The following EXTL3 variants were observed in gnomAD, a reference collection of about 807,000 sequenced individuals.
The protein encoded by EXTL3 is exostosin like glycosyltransferase 3.
In EXTL3, 27 loss-of-function variants were observed where a neutral mutation model predicts 69.3. That is an observed-to-expected ratio of 0.39 (90% CI 0.29 to 0.54). The LOEUF is 0.54. EXTL3 is among the 20% of genes least tolerant of loss of function. The pLI is 0.69. For missense variants in EXTL3, 1,003 were observed against 1,231.8 expected (o/e 0.81, Z 2.78); for synonymous variants, 511 against 499.4 (o/e 1.02, Z -0.31).
At chr8:28,727,273 C>T (rs182095069) in intron 3 of EXTL3, among the ~76,000 whole-genome samples, 10 of 152,242 alleles carry the variant, frequency 6.6e-5, no homozygotes, top group Admixed American at 2.6e-4. Flanking sequence ...CAGTTGTGCT[C>T]AGAGGGTGAG....
Position 28,750,992 on chromosome 8 carries a change from A to C in EXTL3, c.*126A>C. 1.3e-6 allele frequency: 1 copy of C among 787,168 alleles called. No individual in the cohort carries two copies. Among genetic ancestry groups the C allele is most frequent in the Non-Finnish European group, 2.1e-6 (1 of 479,040 alleles). The allele number at this position is 787,168 out of a possible 1,614,324, so 48.8% of individuals were successfully genotyped here. On this transcript the variant is annotated 3_prime_UTR_variant, in exon 7 of 7. Coordinates refer to ENST00000220562, the MANE Select transcript of EXTL3 (RefSeq NM_001440.4). This position sits in a 1 kb window ranked among gnomAD's most constrained non-coding sequence, Gnocchi z 5.2. ...GCCCAGAGCCTCTGCTGGAAGGGGC[A>C]GCAGGAGGAGTGGAAGGAAACCGCT...
Position 28,701,564 on chromosome 8 carries a change from G to T in EXTL3, c.-665G>T, listed in dbSNP as rs919566033. 5 of 154,518 alleles carry T rather than the reference G, an allele frequency of 3.2e-5. No homozygotes were observed. Among genetic ancestry groups the T allele is most frequent in the African/African-American group, 1.2e-4 (5 of 41,480 alleles). 9.6% of individuals were successfully genotyped at this position (154,518 alleles called of 1,614,324 possible). A position where few individuals can be genotyped will look rare whatever the true frequency, so the allele number is the denominator to read the frequency against. ...GGGAGCGGCGGATCAGGCGCGGCCT[G>T]GAAGGCGGGCGGCCGGCAGCCAGAA... is the stretch of plus-strand genomic sequence containing the variant. On this transcript the variant is annotated 5_prime_UTR_variant, in exon 1 of 7. Transcript: ENST00000220562.
chr8:28,730,816 A>T lies in EXTL3; in HGVS notation c.2149-407A>T, dbSNP rs147516696. On this transcript the variant is annotated intron_variant, in intron 3 of 6. Coordinates refer to ENST00000220562, the MANE Select transcript of EXTL3 (RefSeq NM_001440.4). The stretch of plus-strand genomic sequence containing the variant: ...TAGAATTGGGAGTCAGAAGTGACAG[A>T]CTCATGAGGTTTCTGAGTTGGGTTT... 2.9e-4 allele frequency among the ~76,000 whole-genome samples: 44 copies of T among 152,250 alleles called. 1 individual carries two copies. In the East Asian group the frequency reaches 7.9e-3, roughly 27 times the overall value.
rs908618487 is a variant in EXTL3, at chr8:28,736,607, G to A, written c.2277-912G>A. 5.9e-5 allele frequency among the ~76,000 whole-genome samples: 9 copies of A among 152,034 alleles called. No homozygotes were observed. In the South Asian group the frequency reaches 6.2e-4, roughly 10 times the overall value. On this transcript the variant is annotated intron_variant, in intron 4 of 6. Transcript: ENST00000220562. ...CACTTCTCATCATACATGTTTCTCCGTCAGCCCTGCTCAAATTTGGAATTA... is the reference window on the plus strand; with the variant it reads ...CACTTCTCATCATACATGTTTCTCCATCAGCCCTGCTCAAATTTGGAATTA...
intron 1 of EXTL3, among the ~76,000 whole-genome samples, chr8:28,673,124 C>A (rs1025269828): frequency 6.6e-6 from 1 of 152,162 alleles, no homozygotes; most frequent in Non-Finnish European, 1.5e-5. Flanking sequence ...TATCAGCAAC[C>A]TGAAAATGGA....
chr8:28,678,669 T>C (rs937681648), intron 1 of EXTL3, among the ~76,000 whole-genome samples: 1 of 152,162 alleles, frequency 6.6e-6, no homozygotes, highest in African/African-American at 2.4e-5. Flanking sequence ...TTTTTTTCTT[T>C]ATAAATTAAT....
intron 1 of EXTL3, among the ~76,000 whole-genome samples, chr8:28,675,982 A>T (rs1451757205): frequency 1.4e-5 from 2 of 138,986 alleles, no homozygotes; most frequent in African/African-American, 5.4e-5. Flanking sequence ...AGATCATGCC[A>T]CTGCTCTCCA....
rs942067900 is a variant in EXTL3, at chr8:28,754,637, G to A, written c.*3771G>A. On this transcript the variant is annotated 3_prime_UTR_variant, in exon 7 of 7. Coordinates refer to ENST00000220562, the MANE Select transcript of EXTL3 (RefSeq NM_001440.4). ...GAAAATGTGTCTTCCTATACACAGA[G>A]ATATGATGTCTGCTTTGAGTCTATA... The A allele has an allele frequency of 2.0e-5, 3 of 152,270 alleles. No homozygotes were observed. The highest frequency in any genetic ancestry group is 4.4e-5 in the Non-Finnish European group (3 of 68,062). 9.4% of individuals were successfully genotyped at this position (152,270 alleles called of 1,614,324 possible). A position where few individuals can be genotyped will look rare whatever the true frequency, so the allele number is the denominator to read the frequency against.
intron 1 of EXTL3, among the ~76,000 whole-genome samples, chr8:28,691,620 G>A (rs1053786292): frequency 5.0e-5 from 7 of 139,720 alleles, no homozygotes; most frequent in Non-Finnish European, 7.5e-5. Flanking sequence ...GATGTTGGCC[G>A]GGCACGGTGG....
intron 1 of EXTL3, among the ~76,000 whole-genome samples, chr8:28,673,421 A>G (rs2130646323): frequency 6.6e-6 from 1 of 152,326 alleles, no homozygotes; most frequent in African/African-American, 2.4e-5. Flanking sequence ...CCTGAAGAGA[A>G]CAAAAGGCAG....
chr8:28,617,960 G>A (rs1806349364), upstream of EXTL3, among the ~76,000 whole-genome samples: 1 of 152,120 alleles, frequency 6.6e-6, no homozygotes, highest in Admixed American at 6.6e-5. Flanking sequence ...GAGACAGAAA[G>A]CAGATTTGAG....
At chr8:28,742,854 A>G in intron 5 of EXTL3, 1 of 543,406 alleles carries the variant, frequency 1.8e-6, no homozygotes, top group Non-Finnish European at 3.4e-6. Context: ...AGATGATATG[A>G]CATTCTGTTA....
At chr8:28,720,243 A>G (rs1171760054) in intron 3 of EXTL3, among the ~76,000 whole-genome samples, 8 of 152,154 alleles carry the variant, frequency 5.3e-5, no homozygotes. Context: ...ACTGTGATAC[A>G]CCTCAGAGTG....
intron 1 of EXTL3, among the ~76,000 whole-genome samples, chr8:28,654,361 T>TTTTG (rs767425399): frequency 3.3e-5 from 5 of 152,168 alleles, no homozygotes; most frequent in Non-Finnish European, 7.3e-5. Context: ...GTTTTATTCT[T>TTTTG]TTTGTTTGTT....
At chr8:28,719,635 A>G (rs1468277600) in intron 3 of EXTL3, among the ~76,000 whole-genome samples, 2 of 152,214 alleles carry the variant, frequency 1.3e-5, no homozygotes, top group East Asian at 3.8e-4. Flanking sequence ...TATTTTGTAT[A>G]TTAAGTTTTG....
In EXTL3 at chr8:28,716,135, C is replaced by T. The variant is rs141948891; in HGVS notation, c.76C>T (p.Arg26Cys). The stretch of plus-strand genomic sequence containing the variant: ...GACCTGCATGCTGCGCTGGTCCAAC[C>T]GCATCCGCCTCACGTGGCTCAGCTT... ...GQTCMLRWSNRIRLTWLSFTL... is the reference protein window; with the variant it reads ...GQTCMLRWSNCIRLTWLSFTL... Residue 26 changes from arginine to cysteine, a missense_variant, in exon 3 of 7, where the codon CGC (arginine) becomes TGC (cysteine). Physicochemically the swap from Arg to Cys is radical, Grantham distance 180. This residue lies in a region of EXTL3 where 742 missense variants were observed against 815.4 expected (regional missense o/e 0.91). Transcript: ENST00000220562. This position sits in a 1 kb window ranked among gnomAD's most constrained non-coding sequence, Gnocchi z 7.1. 1.1e-5 allele frequency: 17 copies of T among 1,613,810 alleles called. No homozygotes were observed. Among genetic ancestry groups the T allele is most frequent in the East Asian group, 6.7e-5 (3 of 44,894 alleles).
At chr8:28,742,040 A>G (rs530074367) in intron 5 of EXTL3, 1 of 152,206 alleles carries the variant, frequency 6.6e-6, no homozygotes, top group Non-Finnish European at 1.5e-5. Context: ...TATGGTATAA[A>G]TACTCTTACC....
intron 1 of EXTL3, among the ~76,000 whole-genome samples, chr8:28,710,120 C>T (rs1801003773): frequency 6.6e-6 from 1 of 151,920 alleles, no homozygotes; most frequent in Non-Finnish European, 1.5e-5. Context: ...ATTTTTTTTC[C>T]CCTGGGAGAA....
intron 1 of EXTL3, among the ~76,000 whole-genome samples, chr8:28,713,022 C>T (rs750677371): frequency 6.6e-6 from 1 of 152,164 alleles, no homozygotes; most frequent in Non-Finnish European, 1.5e-5. Context: ...AGCTCACGGC[C>T]GATCTTGGGT....
Sources: allele counts gnomAD v4.1 joint callset (sites outside exome capture counted in the v4.1 genomes callset), GRCh38; gene constraint gnomAD v4.1.1; regional missense constraint gnomAD v4.1.1; non-coding constraint Gnocchi (gnomAD v3.1); transcripts MANE v1.5; gene names NCBI Gene and HGNC (gene_info 2026-07-23, HGNC 2026-07-21).